Variants in RBMS3 observed in about 807,000 individuals in gnomAD.
RBMS3 encodes the protein RNA binding motif single stranded interacting protein 3, also known as RNA-binding motif, single-stranded-interacting protein 3.
A neutral mutation model predicts 66.8 loss-of-function variants in RBMS3; 27 were observed. The observed-to-expected ratio is 0.40, with a 90% CI of 0.30 to 0.56. The LOEUF (loss-of-function observed/expected upper bound fraction) is 0.56. RBMS3 is among the 20% of genes least tolerant of loss of function. The pLI is 0.40. For synonymous variants in RBMS3, 188 were observed against 183.0 expected (o/e 1.03, Z -0.22); for missense variants, 513 against 549.5 (o/e 0.93, Z 0.66).
intron 3 of RBMS3, among the ~76,000 whole-genome samples, chr3:29,546,858 A>G (rs569765156): frequency 1.3e-5 from 2 of 152,332 alleles, no homozygotes; most frequent in South Asian, 2.1e-4. Context: ...CAGCAAGTCT[A>G]TAACACCTGT....
At position 30,008,755 on chromosome 3, in the gene RBMS3, G is replaced by A. The variant is rs181852586; in HGVS notation, c.*4893G>A. 1.1e-4 allele frequency: 16 copies of A among 152,094 alleles called. No individual in the cohort carries two copies. Among genetic ancestry groups the A allele is most frequent in the Admixed American group, 1.3e-4 (2 of 15,254 alleles). The allele number at this position is 152,094 out of a possible 1,614,324, so 9.4% of individuals were successfully genotyped here. A position where few individuals can be genotyped will look rare whatever the true frequency, so the allele number is the denominator to read the frequency against. ...TGGAAGACAGTTGGGTCTGACTCAA[G>A]TTTAACATTTCTTACCAAACATTCT... is the stretch of plus-strand genomic sequence containing the variant. On this transcript the variant is annotated 3_prime_UTR_variant, in exon 15 of 15. Coordinates refer to ENST00000383767, the MANE Select transcript of RBMS3 (RefSeq NM_001003793.3).
chr3:29,760,225 A>G (rs1390830109), intron 5 of RBMS3, among the ~76,000 whole-genome samples: 1 of 151,210 alleles, frequency 6.6e-6, no homozygotes, highest in African/African-American at 2.4e-5. Flanking sequence ...CTTCCTCTCT[A>G]TTCCCTAAAA....
intron 4 of RBMS3, among the ~76,000 whole-genome samples, chr3:29,736,936 T>A (rs569848497): frequency 1.1e-4 from 17 of 152,268 alleles, no homozygotes; most frequent in African/African-American, 1.7e-4. Context: ...AGTAACCTTC[T>A]ATTTATGGCA....
chr3:29,527,397 A>G (rs554327082), intron 3 of RBMS3, among the ~76,000 whole-genome samples: 34 of 152,248 alleles, frequency 2.2e-4, no homozygotes, highest in African/African-American at 7.9e-4. Flanking sequence ...TAAGATGATT[A>G]AATTAAGCTT....
chr3:29,319,052 G>C (rs770868269), intron 1 of RBMS3, among the ~76,000 whole-genome samples: 1 of 151,938 alleles, frequency 6.6e-6, no homozygotes, highest in Admixed American at 6.6e-5. Flanking sequence ...ACTTCAGCGT[G>C]GCTTCAGCAA....
In RBMS3 at chr3:29,381,270, T is replaced by C. The variant is rs1449652394; in HGVS notation, c.76-53473T>C. Among the ~76,000 whole-genome samples, 6 of 152,278 alleles carry C rather than the reference T, an allele frequency of 3.9e-5. No homozygotes were observed. The East Asian group carries it at 1.2e-3, about 29-fold the overall frequency. On this transcript the variant is annotated intron_variant, in intron 1 of 14. Transcript: ENST00000383767. ...TCAACACCTCTGGAAATTGTGAGCC[T>C]GTAAGAGAAGCAAGGAAGTGTAAGT...
chr3:29,367,367 A>T (rs1036806281), intron 1 of RBMS3, among the ~76,000 whole-genome samples: 1 of 152,140 alleles, frequency 6.6e-6, no homozygotes, highest in Non-Finnish European at 1.5e-5. Flanking sequence ...AGAAAGCAAC[A>T]TACAATGTGA....
intron 1 of RBMS3, among the ~76,000 whole-genome samples, chr3:29,292,329 C>A (rs2032886072): frequency 6.6e-6 from 1 of 151,750 alleles, no homozygotes; most frequent in East Asian, 1.9e-4. Flanking sequence ...TAAGAAGACA[C>A]ATTCCTGTTC....
intron 6 of RBMS3, among the ~76,000 whole-genome samples, chr3:29,796,959 G>A (rs1359727003): frequency 2.0e-5 from 3 of 151,838 alleles, no homozygotes; most frequent in South Asian, 2.1e-4. Context: ...TGATCTGCCC[G>A]CCTCAGTCAC....
chr3:29,345,548 G>A (rs1014574118), intron 1 of RBMS3, among the ~76,000 whole-genome samples: 24 of 152,028 alleles, frequency 1.6e-4, no homozygotes, highest in African/African-American at 5.1e-4. Context: ...GACATAAAAT[G>A]CCTCTCTCCA....
intron 1 of RBMS3, among the ~76,000 whole-genome samples, chr3:29,413,323 C>T (rs1187848887): frequency 6.6e-5 from 10 of 152,024 alleles, no homozygotes; most frequent in Admixed American, 4.6e-4. Flanking sequence ...GAGCTGAGAT[C>T]GTGCCACTGC....
At chr3:29,974,168 A>G (rs1697405103) in intron 12 of RBMS3, among the ~76,000 whole-genome samples, 1 of 151,898 alleles carries the variant, frequency 6.6e-6, no homozygotes, top group South Asian at 2.1e-4. Flanking sequence ...CACTTCCTAG[A>G]AATCTTATTA....
At chr3:29,984,260 T>C (rs1365424201) in intron 12 of RBMS3, among the ~76,000 whole-genome samples, 1 of 152,052 alleles carries the variant, frequency 6.6e-6, no homozygotes, top group Non-Finnish European at 1.5e-5. Flanking sequence ...TTCAGCTCCA[T>C]CAGGTCATAT....
chr3:29,733,573 G>A (rs1005170041), intron 4 of RBMS3, among the ~76,000 whole-genome samples: 1 of 151,982 alleles, frequency 6.6e-6, no homozygotes, highest in Non-Finnish European at 1.5e-5. Context: ...ATAGGGGTGA[G>A]ATGATATATC....
chr3:29,323,691 T>TACACAC (rs10565045), intron 1 of RBMS3, among the ~76,000 whole-genome samples: 524 of 144,364 alleles, frequency 3.6e-3, no homozygotes, highest in African/African-American at 0.011. Context: ...CACACACACA[T>TACACAC]ACACACACAC....
chr3:29,632,050 C>A (rs956876249), intron 4 of RBMS3, among the ~76,000 whole-genome samples: 2 of 151,896 alleles, frequency 1.3e-5, no homozygotes, highest in Non-Finnish European at 2.9e-5. Context: ...TAGATACTTT[C>A]CTTATTCTGT....
In RBMS3 at chr3:29,281,487, C is replaced by G; in HGVS notation, c.-195C>G. On this transcript the variant is annotated 5_prime_UTR_variant, in exon 1 of 15. Transcript: ENST00000383767. The stretch of plus-strand genomic sequence containing the variant: ...CTCACTCCTCGCCCTTTTTTTTTTT[C>G]CTTTGGTGTGTGTTTTTTGTTTTGT... 3.2e-5 allele frequency: 13 copies of G among 410,322 alleles called. No homozygotes were observed. The highest frequency in any genetic ancestry group is 3.4e-5 in the South Asian group (1 of 29,268). The allele number at this position is 410,322 out of a possible 1,614,324, so 25.4% of individuals were successfully genotyped here.
intron 1 of RBMS3, among the ~76,000 whole-genome samples, chr3:29,380,476 G>T (rs1425032417): frequency 6.6e-6 from 1 of 152,084 alleles, no homozygotes; most frequent in African/African-American, 2.4e-5. Flanking sequence ...TGCTTATAAT[G>T]TGCTTGGTAT....
intron 1 of RBMS3, among the ~76,000 whole-genome samples, chr3:29,311,891 A>T (rs2034399338): frequency 6.6e-6 from 1 of 151,854 alleles, no homozygotes; most frequent in African/African-American, 2.4e-5. Flanking sequence ...AGCCAGATGT[A>T]TGCCCTTAGA....
Sources: allele counts gnomAD v4.1 joint callset (sites outside exome capture counted in the v4.1 genomes callset), GRCh38; gene constraint gnomAD v4.1.1; transcripts MANE v1.5; gene names NCBI Gene and HGNC (gene_info 2026-07-23, HGNC 2026-07-21).